The following DYTN variants were observed in gnomAD, a reference collection of about 807,000 sequenced individuals.
DYTN encodes dystrotelin.
Under a neutral mutation model 69.6 loss-of-function variants are expected in DYTN, and 75 were observed. The ratio of observed to expected loss-of-function variants is 1.08; its 90% CI spans 0.89 to 1.31. The LOEUF (loss-of-function observed/expected upper bound fraction) is 1.31. Ranked by LOEUF, DYTN falls within the 50% of genes most tolerant of loss-of-function variation. The pLI, the probability that DYTN is intolerant of heterozygous loss-of-function variation, is 0.00. For synonymous variants in DYTN, 252 were observed against 249.1 expected, an observed-to-expected ratio of 1.01 and a Z score of -0.11; for missense variants, 726 against 688.4, an observed-to-expected ratio of 1.05 and a Z score of -0.61.
At chr2:206,678,109 A>T (rs2105892831) in intron 9 of DYTN, among the ~76,000 whole-genome samples, 1 of 152,356 alleles carries the variant, frequency 6.6e-6, no homozygotes, top group East Asian at 1.9e-4. Context: ...AAATATAAAA[A>T]GTTTAAATAC....
In DYTN at chr2:206,690,247, C is replaced by G. The variant is rs370448242; in HGVS notation, c.980+2928G>C. ...GGGAGGTGATCTAGGGTTGCCAGTC[C>G]CCCGAGGTGGCAGCATGCCTGGTGT... On this transcript the variant is annotated intron_variant, in intron 9 of 11. Transcript: ENST00000452335. Among the ~76,000 whole-genome samples the G allele has an allele frequency of 7.9e-5, 12 of 152,190 alleles. No homozygotes were observed. In the South Asian group the frequency reaches 2.5e-3, roughly 32 times the overall value.
intron 11 of DYTN, among the ~76,000 whole-genome samples, chr2:206,657,078 C>A (rs1699459064): frequency 6.6e-6 from 1 of 151,932 alleles, no homozygotes; most frequent in Non-Finnish European, 1.5e-5. Context: ...ATACACTTTT[C>A]TTTTTGGTTT....
At chr2:206,668,484 C>A (rs1699597513) in intron 9 of DYTN, among the ~76,000 whole-genome samples, 1 of 152,210 alleles carries the variant, frequency 6.6e-6, no homozygotes, top group Non-Finnish European at 1.5e-5. Flanking sequence ...ATTATCTACT[C>A]ATAACAAACA....
intron 9 of DYTN, among the ~76,000 whole-genome samples, chr2:206,683,554 T>C (rs893846101): frequency 4.0e-5 from 6 of 151,756 alleles, no homozygotes; most frequent in East Asian, 1.9e-4. Context: ...ATGTTGGCCA[T>C]GCTGGTATCC....
chr2:206,715,905 T>G (rs532505903), intron 1 of DYTN, among the ~76,000 whole-genome samples: 1 of 151,982 alleles, frequency 6.6e-6, no homozygotes, highest in Non-Finnish European at 1.5e-5. Flanking sequence ...CTGGCCAACA[T>G]GGTGAAACCC....
rs968502642 is a variant in DYTN at position 206,677,385 on chromosome 2, A to T, written c.981-11356T>A. On this transcript the variant is annotated intron_variant, in intron 9 of 11. Transcript: ENST00000452335. ...TAATGCTGTTCTTATGTAAAAATAA[A>T]ATGAAAAGCAACTGAGCTGAATAGA... 3.3e-5 allele frequency among the ~76,000 whole-genome samples: 5 copies of T among 152,250 alleles called. No individual in the cohort carries two copies. In the South Asian group the frequency reaches 1.0e-3, roughly 31 times the overall value.
intron 1 of DYTN, among the ~76,000 whole-genome samples, chr2:206,717,043 AACACACACAC>A (rs71852382): frequency 1.4e-5 from 2 of 143,726 alleles, no homozygotes; most frequent in South Asian, 2.3e-4. Flanking sequence ...TGCCGATGCA[AACACACACAC>A]ACACACACAC....
intron 9 of DYTN, among the ~76,000 whole-genome samples, chr2:206,674,943 G>A (rs1699667227): frequency 6.6e-6 from 1 of 151,534 alleles, no homozygotes; most frequent in Admixed American, 6.6e-5. Flanking sequence ...AATATCTAAA[G>A]GAAAAGCACT....
intron 9 of DYTN, among the ~76,000 whole-genome samples, chr2:206,687,990 A>G (rs1699830605): frequency 6.6e-6 from 1 of 152,178 alleles, no homozygotes. Context: ...TATTCTTCCA[A>G]CATACCTTCA....
chr2:206,694,092 T>A (rs147582764), intron 8 of DYTN, among the ~76,000 whole-genome samples: 1 of 152,344 alleles, frequency 6.6e-6, no homozygotes, highest in East Asian at 1.9e-4. Flanking sequence ...GAGGTTGCCA[T>A]CTGTGTGAAG....
Position 206,717,582 on chromosome 2 carries a change from G to A in DYTN, c.19+679C>T, listed in dbSNP as rs576600626. ...GATTACCTACTGCTTTGTGTAAAGC[G>A]TATTAATATGAGAGCCCAAATTTGG... On this transcript the variant is annotated intron_variant, in intron 1 of 11. Transcript: ENST00000452335. Among the ~76,000 whole-genome samples, 10 of 152,328 alleles carry A rather than the reference G, an allele frequency of 6.6e-5. No individual in the cohort carries two copies. The South Asian group carries it at 1.0e-3, about 16-fold the overall frequency.
chr2:206,708,760 T>C (rs557171485), intron 2 of DYTN, among the ~76,000 whole-genome samples: 1 of 152,350 alleles, frequency 6.6e-6, no homozygotes, highest in South Asian at 2.1e-4. Flanking sequence ...GTGTTTGGGA[T>C]TTTCTGTTTT....
intron 7 of DYTN, among the ~76,000 whole-genome samples, chr2:206,697,258 T>C (rs1388478061): frequency 6.6e-6 from 1 of 152,222 alleles, no homozygotes; most frequent in Non-Finnish European, 1.5e-5. Flanking sequence ...TGGCCTGTTG[T>C]TGATGTTTTT....
At chr2:206,665,726 G>A in intron 10 of DYTN, 144 bp downstream of exon 10, 2 of 890,778 alleles carry the variant, frequency 2.2e-6, no homozygotes, top group Non-Finnish European at 3.3e-6. Context: ...TAGCCTGGAT[G>A]AGGAAATGGG....
intron 3 of DYTN, among the ~76,000 whole-genome samples, chr2:206,706,993 T>C (rs138474768): frequency 6.6e-5 from 10 of 152,112 alleles, no homozygotes; most frequent in African/African-American, 1.2e-4. Flanking sequence ...TTCACATGTG[T>C]ATATGGAAGT....
intron 11 of DYTN, 140 bp from the exon 12 acceptor site, chr2:206,652,061 G>T: frequency 7.3e-6 from 5 of 682,794 alleles, no homozygotes; most frequent in Non-Finnish European, 1.2e-5. Context: ...AAGTTAGCCA[G>T]CAAATAAGAT....
At chr2:206,710,399 C>T in intron 2 of DYTN, 125 bp downstream of exon 2, 1 of 882,638 alleles carries the variant, frequency 1.1e-6, no homozygotes, top group Non-Finnish European at 1.7e-6. Flanking sequence ...GGGCTAAATG[C>T]ACAAGTCCAG....
intron 9 of DYTN, among the ~76,000 whole-genome samples, chr2:206,684,365 C>T (rs1193608778): frequency 6.6e-6 from 1 of 152,070 alleles, no homozygotes; most frequent in Non-Finnish European, 1.5e-5. Context: ...AGTGCAGTGG[C>T]ACTATCATGG....
At chr2:206,682,844 A>C (rs1298225562) in intron 9 of DYTN, among the ~76,000 whole-genome samples, 1 of 152,176 alleles carries the variant, frequency 6.6e-6, no homozygotes. Context: ...TGGCAATCTT[A>C]TTCTTCTACT....
Sources: gnomAD v4.1 joint callset for allele counts (sites outside exome capture counted in the v4.1 genomes callset) on GRCh38, gnomAD v4.1.1 for gene constraint, MANE v1.5 for transcripts, NCBI Gene and HGNC (gene_info 2026-07-23, HGNC 2026-07-21) for gene names.